Variants in TET2 observed in about 807,000 individuals in gnomAD.
TET2 encodes the protein methylcytosine dioxygenase TET2.
TET2 carries 299 observed loss-of-function variants against 142.9 expected under a neutral mutation model. The observed-to-expected ratio is 2.09, with a 90% CI of 1.90 to 2.30. TET2 has a LOEUF of 2.30. Ranked by LOEUF, TET2 falls within the 30% of genes most tolerant of loss-of-function variation. TET2 has a pLI of 0.00. For missense variants in TET2, 2,418 were observed against 2,378.0 expected, an observed-to-expected ratio of 1.02 and a Z score of -0.35; for synonymous variants, 819 against 849.0, an observed-to-expected ratio of 0.96 and a Z score of 0.61.
intron 1 of TET2, among the ~76,000 whole-genome samples, chr4:105,158,059 T>A (rs188880588): frequency 6.6e-6 from 1 of 152,376 alleles, no homozygotes; most frequent in Non-Finnish European, 1.5e-5. Flanking sequence ...AATAAGATTT[T>A]ATGGACATCA....
chr4:105,244,584 ATGTTTTTTTTTT>A (rs749620404), intron 6 of TET2, among the ~76,000 whole-genome samples: 13,412 of 116,758 alleles, frequency 0.11, 1,312 homozygotes, highest in Non-Finnish European at 0.17. Context: ...CTACACAGAA[ATGTTTTTTTTTT>A]TTTTTTTTTT....
chr4:105,270,674 TTATATA>T (rs3055846), intron 9 of TET2, among the ~76,000 whole-genome samples: 27,376 of 149,346 alleles, frequency 0.18, 4,868 homozygotes, highest in African/African-American at 0.45. Flanking sequence ...TAGATACATG[TTATATA>T]TATATATATA....
At position 105,277,460 on chromosome 4, in the gene TET2, G is replaced by A. The variant is rs1731276438; in HGVS notation, c.*941G>A. On this transcript the variant is annotated 3_prime_UTR_variant, in exon 11 of 11. Coordinates refer to ENST00000380013, the MANE Select transcript of TET2 (RefSeq NM_001127208.3). ...GCTTTGACAACTTGAACAATGCTAA[G>A]GTACTGAGATGTTTAAAAAACAAGT... 1 of 226,478 alleles carries A rather than the reference G, an allele frequency of 4.4e-6. No homozygotes were observed. The highest frequency in any genetic ancestry group is 8.8e-6 in the Non-Finnish European group (1 of 113,968). 14.0% of individuals were successfully genotyped at this position (226,478 alleles called of 1,614,324 possible). A position where few individuals can be genotyped will look rare whatever the true frequency, so the allele number is the denominator to read the frequency against.
intron 2 of TET2, among the ~76,000 whole-genome samples, chr4:105,229,372 G>A (rs1224216387): frequency 6.6e-5 from 10 of 152,092 alleles, no homozygotes; most frequent in Non-Finnish European, 1.3e-4. Flanking sequence ...GTGCAGTGGC[G>A]CGATCTCGGC....
At chr4:105,180,680 C>A (rs529827193) in intron 1 of TET2, among the ~76,000 whole-genome samples, 1 of 151,630 alleles carries the variant, frequency 6.6e-6, no homozygotes, top group South Asian at 2.1e-4. Context: ...CACTCTGTTG[C>A]CCAGGCTGGG....
chr4:105,273,664 A>C, intron 10 of TET2, among the ~76,000 whole-genome samples: 1 of 152,206 alleles, frequency 6.6e-6, no homozygotes, highest in Non-Finnish European at 1.5e-5. Context: ...TAGGTTTCTA[A>C]AACAGTACTA....
rs1396345080 is a variant in TET2, at chr4:105,242,928, G to GT, written c.3594+2dup. 3.9e-6 allele frequency: 6 copies of GT among 1,549,668 alleles called. No homozygotes were observed. The highest frequency in any genetic ancestry group is 1.4e-5 in the African/African-American group (1 of 72,994). ...TCAGGGATGTCCTATTGCTAAGTGG[G>GT]TAAGTGTGACTTGATAAAGCCTTTG... On this transcript the variant is annotated splice_donor_variant, in intron 5 of 10. Transcript: ENST00000380013. LOFTEE classifies it high-confidence loss of function.
Position 105,234,393 on chromosome 4 carries a change from G to GT in TET2, c.452dup (p.Ser152GlufsTer10), listed in dbSNP as rs1728702010. The GT allele has an allele frequency of 6.2e-7, 1 of 1,613,952 alleles. No individual in the cohort carries two copies. Among genetic ancestry groups the GT allele is most frequent in the African/African-American group, 1.3e-5 (1 of 74,932 alleles). ...CGATTTGAGTGATAAGAAAGAATCT[G>GT]TGAGTTCTGTAGCCCAAGAAAATGC... On this transcript the variant is annotated frameshift_variant, in exon 3 of 11. Transcript: ENST00000380013. LOFTEE classifies it high-confidence loss of function.
intron 1 of TET2, among the ~76,000 whole-genome samples, chr4:105,169,257 A>AT (rs1308352051): frequency 3.3e-5 from 5 of 151,854 alleles, no homozygotes; most frequent in East Asian, 1.9e-4. Context: ...CTATTTTTTG[A>AT]TTTTTTATTG....
chr4:105,237,774 A>C, intron 3 of TET2: 4 of 1,149,850 alleles, frequency 3.5e-6, no homozygotes, highest in Non-Finnish European at 4.3e-6. Flanking sequence ...ATTCAAGGTA[A>C]AATATATTAG....
chr4:105,186,818 A>T (rs1298826689), intron 1 of TET2, among the ~76,000 whole-genome samples: 2 of 152,108 alleles, frequency 1.3e-5, no homozygotes, highest in African/African-American at 4.8e-5. Flanking sequence ...CAAAACATGT[A>T]TATAAGCCTG....
At chr4:105,237,567 A>G in intron 3 of TET2, 14 of 1,501,520 alleles carry the variant, frequency 9.3e-6, no homozygotes, top group Non-Finnish European at 1.2e-5. Context: ...CAAAAGAATT[A>G]AATAATCGTG....
chr4:105,172,708 A>G (rs995758736), intron 1 of TET2: 2 of 152,212 alleles, frequency 1.3e-5, no homozygotes, highest in Non-Finnish European at 2.9e-5. Flanking sequence ...AGAACTATGA[A>G]AGTTGAATTC....
At chr4:105,208,955 G>A (rs1387363051) in intron 2 of TET2, among the ~76,000 whole-genome samples, 1 of 149,198 alleles carries the variant, frequency 6.7e-6, no homozygotes, top group Non-Finnish European at 1.5e-5. Flanking sequence ...TTTAACATCT[G>A]CTGGAACACA....
intron 2 of TET2, among the ~76,000 whole-genome samples, chr4:105,226,264 GGCAGAT>G (rs1192680283): frequency 4.6e-5 from 7 of 151,996 alleles, no homozygotes; most frequent in African/African-American, 1.7e-4. Context: ...CTTCACCATG[GGCAGAT>G]TCCTCAGTTT....
intron 2 of TET2, among the ~76,000 whole-genome samples, chr4:105,201,837 G>T (rs994502032): frequency 6.9e-6 from 1 of 144,770 alleles, no homozygotes; most frequent in Non-Finnish European, 1.5e-5. Context: ...AACTTCCCAG[G>T]CTCAGGTGAT....
intron 2 of TET2, among the ~76,000 whole-genome samples, chr4:105,222,725 T>C (rs933636312): frequency 5.3e-5 from 8 of 152,098 alleles, no homozygotes; most frequent in Admixed American, 5.2e-4. Flanking sequence ...TTTAATTAGA[T>C]CCCATTTGTC....
intron 2 of TET2, among the ~76,000 whole-genome samples, chr4:105,203,966 C>T (rs1282864108): frequency 2.0e-5 from 3 of 151,996 alleles, no homozygotes; most frequent in African/African-American, 2.4e-5. Flanking sequence ...TTTGGGAGGC[C>T]AAGGCGGGTA....
chr4:105,226,654 CCT>C (rs1315505994), intron 2 of TET2, among the ~76,000 whole-genome samples: 1 of 151,706 alleles, frequency 6.6e-6, no homozygotes, highest in Non-Finnish European at 1.5e-5. Context: ...CCTCCCTCTT[CCT>C]CTCTCTTTTT....
Sources: allele counts gnomAD v4.1 joint callset (sites outside exome capture counted in the v4.1 genomes callset), GRCh38; gene constraint gnomAD v4.1.1; transcripts MANE v1.5; gene names NCBI Gene and HGNC (gene_info 2026-07-23, HGNC 2026-07-21).